BCAP29: variants seen among roughly 807,000 people sequenced by gnomAD.
BCAP29 encodes B-cell receptor-associated protein 29.
BCAP29 carries 34 observed loss-of-function variants against 31.8 expected under a neutral mutation model. The observed-to-expected ratio is 1.07, with a 90% CI of 0.81 to 1.42. BCAP29 has a LOEUF of 1.42. Ranked by LOEUF, BCAP29 falls within the 40% of genes most tolerant of loss-of-function variation. BCAP29 has a pLI of 0.00. For synonymous variants in BCAP29, 104 were observed against 91.3 expected, an observed-to-expected ratio of 1.14 and a Z score of -0.79; for missense variants, 314 against 269.2, an observed-to-expected ratio of 1.17 and a Z score of -1.16.
At chr7:107,601,338 C>T (rs1426866521) in intron 6 of BCAP29, among the ~76,000 whole-genome samples, 1 of 151,984 alleles carries the variant, frequency 6.6e-6, no homozygotes, top group East Asian at 1.9e-4. Context: ...GGGTTTACTT[C>T]AATCAGGGTG....
At position 107,588,117 on chromosome 7, in the gene BCAP29, C is replaced by T. The variant is rs77220288; in HGVS notation, c.193+4135C>T. Among the ~76,000 whole-genome samples the T allele has an allele frequency of 8.5e-3, 1,297 of 152,152 alleles. 53 individuals carry two copies. In the East Asian group the frequency reaches 0.1, roughly 12 times the overall value. ...AAGAGGATTACAATGAAATCTGAAA[C>T]TTTATAATAGTTTTATTGTTGGTAA... On this transcript the variant is annotated intron_variant, in intron 3 of 7. Coordinates refer to ENST00000005259, the MANE Select transcript of BCAP29 (RefSeq NM_018844.4).
intron 7 of BCAP29, 70 bp from the exon 8 acceptor site, chr7:107,618,258 A>C (rs904360372): frequency 5.2e-6 from 6 of 1,147,302 alleles, no homozygotes; most frequent in Non-Finnish European, 7.3e-6. Flanking sequence ...TGTTTTTTAA[A>C]AGTCCTTGTC....
At position 107,618,352 on chromosome 7, in the gene BCAP29, A is replaced by G; in HGVS notation, c.715A>G (p.Lys239Glu). 6.3e-7 allele frequency: 1 copy of G among 1,599,910 alleles called. No individual in the cohort carries two copies. The highest frequency in any genetic ancestry group is 8.5e-7 in the Non-Finnish European group (1 of 1,172,222). The change falls in exon 8 of 8, where the codon AAA becomes GAA. Residue 239 changes from lysine (K) to glutamate (E), a missense_variant. Physicochemically the swap from Lys to Glu is moderately conservative, Grantham distance 56. Coordinates refer to ENST00000005259, the MANE Select transcript of BCAP29 (RefSeq NM_018844.4). ...GGATCGTTTAGAAAGAGGCAACAAG[A>G]AAAGACTGTGAACTTTATAAAAGAC... Reference protein sequence around the residue: ...LQDRLERGNKKRL With the variant: ...LQDRLERGNKERL
chr7:107,602,585 G>C lies in BCAP29; in HGVS notation c.589+2080G>C, dbSNP rs1372548644. Among the ~76,000 whole-genome samples the C allele has an allele frequency of 4.6e-5, 7 of 151,880 alleles. No homozygotes were observed. The South Asian group carries it at 6.2e-4, about 14-fold the overall frequency. The stretch of plus-strand genomic sequence containing the variant: ...CAATTTTTTTTTTTAGAGGAAAATA[G>C]GGTGTTTTCCATATGAATTTTCTTA... On this transcript the variant is annotated intron_variant, in intron 6 of 7. Coordinates refer to ENST00000005259, the MANE Select transcript of BCAP29 (RefSeq NM_018844.4).
chr7:107,619,750 T>G lies in BCAP29; in HGVS notation c.*1387T>G, dbSNP rs572650552. On this transcript the variant is annotated 3_prime_UTR_variant, in exon 8 of 8. Transcript: ENST00000005259. ...TTAGCTCAAAGTATAGACTTAGAAA[T>G]ATCAAAGTAAGAGCTATCTGGATAA... The G allele has an allele frequency of 3.3e-5, 5 of 152,254 alleles. No homozygotes were observed. Among genetic ancestry groups the G allele is most frequent in the African/African-American group, 9.6e-5 (4 of 41,556 alleles). 9.4% of individuals were successfully genotyped at this position (152,254 alleles called of 1,614,324 possible).
At chr7:107,581,923 A>G (rs1383456220) in intron 2 of BCAP29, among the ~76,000 whole-genome samples, 2 of 152,150 alleles carry the variant, frequency 1.3e-5, no homozygotes, top group African/African-American at 4.8e-5. Context: ...TATATCACGT[A>G]CTGAGACCCA....
At chr7:107,582,063 G>A (rs1246625756) in intron 2 of BCAP29, among the ~76,000 whole-genome samples, 2 of 152,124 alleles carry the variant, frequency 1.3e-5, no homozygotes, top group Non-Finnish European at 2.9e-5. Context: ...TTCAAACTCA[G>A]TAACACCCTG....
intron 6 of BCAP29, among the ~76,000 whole-genome samples, chr7:107,601,093 T>TA (rs958139091): frequency 6.7e-5 from 10 of 148,616 alleles, no homozygotes; most frequent in Admixed American, 2.7e-4. Flanking sequence ...TCTTCTACAT[T>TA]AAAAAAAAAA....
chr7:107,608,240 C>G (rs1287396908), intron 6 of BCAP29, among the ~76,000 whole-genome samples: 5 of 151,938 alleles, frequency 3.3e-5, no homozygotes, highest in Non-Finnish European at 7.4e-5. Context: ...CGCTCAACCT[C>G]CTTGAAAGCA....
At chr7:107,591,091 G>A (rs1337948764) in intron 3 of BCAP29, among the ~76,000 whole-genome samples, 1 of 151,938 alleles carries the variant, frequency 6.6e-6, no homozygotes, top group East Asian at 1.9e-4. Flanking sequence ...GCTCTATACA[G>A]AAAACTACAA....
intron 6 of BCAP29, among the ~76,000 whole-genome samples, chr7:107,604,176 C>A (rs1811670461): frequency 6.6e-6 from 1 of 152,132 alleles, no homozygotes; most frequent in Non-Finnish European, 1.5e-5. Flanking sequence ...ATTCAACTCT[C>A]TTCCTGGATA....
intron 6 of BCAP29, among the ~76,000 whole-genome samples, chr7:107,612,440 T>TATATATATA (rs71134274): frequency 7.8e-6 from 1 of 127,946 alleles, no homozygotes; most frequent in Non-Finnish European, 1.7e-5. Context: ...TATATATATA[T>TATATATATA]TTATTTTACT....
chr7:107,598,043 C>T (rs866524897), intron 5 of BCAP29, among the ~76,000 whole-genome samples: 1 of 152,084 alleles, frequency 6.6e-6, no homozygotes, highest in East Asian at 1.9e-4. Flanking sequence ...CTTTCTCCAG[C>T]GTCAAGTTAC....
At chr7:107,617,873 T>C (rs1814479756) in intron 7 of BCAP29, among the ~76,000 whole-genome samples, 1 of 152,184 alleles carries the variant, frequency 6.6e-6, no homozygotes, top group Admixed American at 6.5e-5. Context: ...TCCATTTTCC[T>C]TCAGTTTTAA....
chr7:107,584,659 A>G (rs1190061270), intron 3 of BCAP29, among the ~76,000 whole-genome samples: 6 of 152,182 alleles, frequency 3.9e-5, no homozygotes, highest in African/African-American at 1.4e-4. Context: ...GCAGTGAACT[A>G]TTGCACTCCA....
At chr7:107,607,635 C>CTTTTTTTTTTTTTTT (rs57817003) in intron 6 of BCAP29, among the ~76,000 whole-genome samples, 1 of 132,640 alleles carries the variant, frequency 7.5e-6, no homozygotes, top group African/African-American at 2.8e-5. Flanking sequence ...CTTTCTTTTT[C>CTTTTTTTTTTTTTTT]TTTTTTTTTT....
chr7:107,606,879 A>G (rs946158991), intron 6 of BCAP29, among the ~76,000 whole-genome samples: 3 of 152,200 alleles, frequency 2.0e-5, no homozygotes, highest in African/African-American at 7.2e-5. Context: ...ATTTATCTGG[A>G]GCACCTTTTA....
chr7:107,583,748 A>G, intron 2 of BCAP29, 134 bp from the exon 3 acceptor site: 1 of 469,126 alleles, frequency 2.1e-6, no homozygotes. Context: ...TGTCAGAATT[A>G]ATAAATTTTA....
At chr7:107,613,495 AT>A in intron 7 of BCAP29, 63 bp downstream of exon 7, 1 of 1,384,100 alleles carries the variant, frequency 7.2e-7, no homozygotes, top group Non-Finnish European at 1.0e-6. Flanking sequence ...TAAGTAAATT[AT>A]TTGGGTTATT....
Sources: gnomAD v4.1 joint callset for allele counts (sites outside exome capture counted in the v4.1 genomes callset) on GRCh38, gnomAD v4.1.1 for gene constraint, MANE v1.5 for transcripts, NCBI Gene and HGNC (gene_info 2026-07-23, HGNC 2026-07-21) for gene names.